The following STRADA variants were observed in gnomAD, a reference collection of about 807,000 sequenced individuals.
The protein encoded by STRADA is STE20 related adaptor alpha, also known as STE20-related kinase adapter protein alpha.
A neutral mutation model predicts 55.0 loss-of-function variants in STRADA; 26 were observed. The observed-to-expected ratio is 0.47, with a 90% CI of 0.35 to 0.66. The LOEUF is 0.66. STRADA is among the 30% of genes least tolerant of loss of function. The pLI, the probability that STRADA is intolerant of heterozygous loss-of-function variation, is 0.01. For synonymous variants in STRADA, 197 were observed against 210.9 expected (o/e 0.93, Z 0.57); for missense variants, 443 against 549.7 (o/e 0.81, Z 1.94).
chr17:63,712,206 C>A (rs1388398240), intron 6 of STRADA, among the ~76,000 whole-genome samples: 1 of 152,148 alleles, frequency 6.6e-6, no homozygotes, highest in Non-Finnish European at 1.5e-5. Flanking sequence ...TTACTAGACT[C>A]ACAGTCTCTC....
rs55889977 is a variant in STRADA at position 63,720,173 on chromosome 17, A to ATT, written c.123+3123_123+3124dup. 2.0e-4 allele frequency among the ~76,000 whole-genome samples: 28 copies of ATT among 143,188 alleles called. 1 individual carries two copies. The highest frequency in any genetic ancestry group is 4.1e-4 in the African/African-American group (16 of 38,786). 93.9% of individuals were successfully genotyped at this position (143,188 alleles called of 152,430 possible). A position where few individuals can be genotyped will look rare whatever the true frequency, so the allele number is the denominator to read the frequency against. ...AGGTATATGCCACCATGCCAAGCTA[A>ATT]TTTTTTTTTTTTTTAATTAGGGACA... On this transcript the variant is annotated intron_variant, in intron 4 of 12. Transcript: ENST00000336174.
chr17:63,731,256 C>CTTTTTTTTTT (rs60777564), intron 1 of STRADA, among the ~76,000 whole-genome samples: 1 of 78,044 alleles, frequency 1.3e-5, no homozygotes, highest in Non-Finnish European at 2.1e-5. Context: ...ATATTCTTTC[C>CTTTTTTTTTT]TTTTTTTTTT....
intron 1 of STRADA, among the ~76,000 whole-genome samples, chr17:63,730,334 G>T (rs2144198189): frequency 6.6e-6 from 1 of 151,594 alleles, no homozygotes; most frequent in Middle Eastern, 3.5e-3. Context: ...GCCTTCATAG[G>T]GCCCTCCGGT....
At chr17:63,722,948 G>A (rs1353140432) in intron 4 of STRADA, among the ~76,000 whole-genome samples, 1 of 151,994 alleles carries the variant, frequency 6.6e-6, no homozygotes, top group South Asian at 2.1e-4. Flanking sequence ...AACTAAGGAC[G>A]GAAAATTTAA....
chr17:63,725,157 G>T (rs778359150), intron 3 of STRADA, among the ~76,000 whole-genome samples: 1 of 151,880 alleles, frequency 6.6e-6, no homozygotes. Context: ...TCTTGAACCC[G>T]GGAGGCGGAG....
intron 3 of STRADA, chr17:63,723,537 A>G (rs1256694697): frequency 1.9e-5 from 11 of 575,710 alleles, no homozygotes; most frequent in Non-Finnish European, 3.1e-5. Context: ...ACATGGATCT[A>G]TGGTTCTTCA....
Position 63,703,488 on chromosome 17 carries a change from G to T in STRADA, c.*111C>A. The T allele has an allele frequency of 1.9e-6, 2 of 1,051,740 alleles. No homozygotes were observed. The highest frequency in any genetic ancestry group is 2.7e-6 in the Non-Finnish European group (2 of 735,134). The allele number at this position is 1,051,740 out of a possible 1,614,324, so 65.2% of individuals were successfully genotyped here. A position where few individuals can be genotyped will look rare whatever the true frequency, so the allele number is the denominator to read the frequency against. Reference sequence around the variant, plus strand: ...CAGCAGTCAACTTTCCTGGAAGAATGTCCTTTCTACCCAATCTGCCCAGGA... The same window carrying T: ...CAGCAGTCAACTTTCCTGGAAGAATTTCCTTTCTACCCAATCTGCCCAGGA... On this transcript the variant is annotated 3_prime_UTR_variant, in exon 13 of 13. Transcript: ENST00000336174.
At chr17:63,713,310 C>T (rs1199680553) in intron 6 of STRADA, 96 bp downstream of exon 6, 5 of 1,515,770 alleles carry the variant, frequency 3.3e-6, no homozygotes, top group East Asian at 2.4e-5. Context: ...AACTTCCGAA[C>T]GTTTAGTCTC....
chr17:63,703,775 T>C (rs2035871423), intron 12 of STRADA, 24 bp from the exon 13 acceptor site: 1 of 1,612,424 alleles, frequency 6.2e-7, no homozygotes, highest in Admixed American at 1.7e-5. Flanking sequence ...GAGAGGTGGG[T>C]GACAGATCCT....
chr17:63,737,447 A>G (rs1816603173), intron 1 of STRADA: 1 of 151,626 alleles, frequency 6.6e-6, no homozygotes, highest in South Asian at 2.1e-4. Context: ...CTATAGACAA[A>G]GCATGATAAA....
intron 4 of STRADA, among the ~76,000 whole-genome samples, chr17:63,722,127 A>C (rs1449127497): frequency 1.3e-5 from 2 of 152,242 alleles, no homozygotes; most frequent in Non-Finnish European, 2.9e-5. Flanking sequence ...CAATGTAATA[A>C]TCTCCAATTG....
chr17:63,731,882 T>A (rs1449251227), intron 1 of STRADA, among the ~76,000 whole-genome samples: 2 of 152,188 alleles, frequency 1.3e-5, no homozygotes, highest in African/African-American at 4.8e-5. Context: ...TTGTTTTTTA[T>A]GAGACAGGGT....
chr17:63,740,520 T>A (rs2038864510), intron 1 of STRADA, among the ~76,000 whole-genome samples: 1 of 151,836 alleles, frequency 6.6e-6, no homozygotes, highest in African/African-American at 2.4e-5. Flanking sequence ...CTCAAAAAAA[T>A]TAAAATAAAA....
intron 9 of STRADA, 79 bp downstream of exon 9, chr17:63,707,168 C>T (rs2036149795): frequency 6.4e-7 from 1 of 1,573,022 alleles, no homozygotes; most frequent in Non-Finnish European, 8.7e-7. Context: ...TTGAGAGCCC[C>T]CGACTCCAGG....
chr17:63,719,779 C>T (rs897287514), intron 4 of STRADA, among the ~76,000 whole-genome samples: 2 of 152,102 alleles, frequency 1.3e-5, no homozygotes, highest in East Asian at 3.9e-4. Context: ...CCATGGCGCC[C>T]GGCAGATAGA....
At position 63,741,763 on chromosome 17, in the gene STRADA, G is replaced by A; in HGVS notation, c.-67C>T. ...TACCTGTTCCTGGAGTTAGCAAGCA[G>A]CCCCGACCGTCTTGGCTCCGCCTCC... On this transcript the variant is annotated 5_prime_UTR_variant, in exon 1 of 13. Transcript: ENST00000336174. 1 of 152,952 alleles carries A rather than the reference G, an allele frequency of 6.5e-6. No homozygotes were observed. Among genetic ancestry groups the A allele is most frequent in the Non-Finnish European group, 1.5e-5 (1 of 68,496 alleles). 9.5% of individuals were successfully genotyped at this position (152,952 alleles called of 1,614,324 possible).
Position 63,706,621 on chromosome 17 carries a change from G to A in STRADA, c.858+14C>T, listed in dbSNP as rs928217732. 26 of 1,604,150 alleles carry A rather than the reference G, an allele frequency of 1.6e-5. No homozygotes were observed. The highest frequency in any genetic ancestry group is 2.1e-5 in the Non-Finnish European group (25 of 1,173,020). On this transcript the variant is annotated intron_variant, in intron 10 of 12. Coordinates refer to ENST00000336174, the MANE Select transcript of STRADA (RefSeq NM_001003787.4). ...CAAGCAGGCAAGAAGGAAACCGATGGGCGGCAGGCTTACCTGGGTGGCAGG... is the reference window on the plus strand; with the variant it reads ...CAAGCAGGCAAGAAGGAAACCGATGAGCGGCAGGCTTACCTGGGTGGCAGG...
Position 63,703,433 on chromosome 17 carries a change from G to A in STRADA, c.*166C>T, listed in dbSNP as rs13380863. The A allele has an allele frequency of 0.24, 161,365 of 666,114 alleles. 20,904 individuals are homozygous for A. Among genetic ancestry groups the A allele is most frequent in the Middle Eastern group, 0.3 (711 of 2,388 alleles). 41.3% of individuals were successfully genotyped at this position (666,114 alleles called of 1,614,324 possible). A position where few individuals can be genotyped will look rare whatever the true frequency, so the allele number is the denominator to read the frequency against. ...CTCAAAAGCCTTGGAGCAGTGAAGTGTCTCTCCAGGATTTTCTTTCCCAAT... is the reference window on the plus strand; with the variant it reads ...CTCAAAAGCCTTGGAGCAGTGAAGTATCTCTCCAGGATTTTCTTTCCCAAT... On this transcript the variant is annotated 3_prime_UTR_variant, in exon 13 of 13. Coordinates refer to ENST00000336174, the MANE Select transcript of STRADA (RefSeq NM_001003787.4).
intron 1 of STRADA, among the ~76,000 whole-genome samples, chr17:63,731,546 G>T (rs1012571875): frequency 1.3e-5 from 2 of 152,104 alleles, no homozygotes; most frequent in Non-Finnish European, 2.9e-5. Flanking sequence ...TTACAGGCAT[G>T]AGCCACCGCG....
Sources: allele counts gnomAD v4.1 joint callset (sites outside exome capture counted in the v4.1 genomes callset), GRCh38; gene constraint gnomAD v4.1.1; transcripts MANE v1.5; gene names NCBI Gene and HGNC (gene_info 2026-07-23, HGNC 2026-07-21).